Variants in VPS26C observed in about 807,000 individuals in gnomAD.
VPS26C encodes the protein VPS26 endosomal protein sorting factor C, also known as vacuolar protein sorting-associated protein 26C.
VPS26C carries 19 observed loss-of-function variants against 30.6 expected under a neutral mutation model. The ratio of observed to expected loss-of-function variants is 0.62; its 90% confidence interval spans 0.43 to 0.91. VPS26C has a LOEUF of 0.91. VPS26C is among the 40% of genes least tolerant of loss of function. The pLI is 0.00. For missense variants in VPS26C, 318 were observed against 385.1 expected (o/e 0.83, Z 1.46); for synonymous variants, 132 against 151.5 (o/e 0.87, Z 0.95).
At chr21:37,250,135 C>G (rs2086176936) in intron 1 of VPS26C, among the ~76,000 whole-genome samples, 1 of 152,112 alleles carries the variant, frequency 6.6e-6, no homozygotes, top group African/African-American at 2.4e-5. Context: ...GAAACACCTT[C>G]TCTACTAAAA....
intron 1 of VPS26C, among the ~76,000 whole-genome samples, chr21:37,259,552 T>A (rs989265077): frequency 6.6e-6 from 1 of 152,216 alleles, no homozygotes; most frequent in Admixed American, 6.5e-5. Context: ...AAAGATTTAC[T>A]GCAGGATTTT....
At chr21:37,232,575 G>C in intron 4 of VPS26C, 124 bp from the exon 5 acceptor site, 2 of 799,036 alleles carry the variant, frequency 2.5e-6, no homozygotes, top group Non-Finnish European at 4.3e-6. Flanking sequence ...GGGGAACTAA[G>C]AGGCGCAAGC....
intron 1 of VPS26C, among the ~76,000 whole-genome samples, chr21:37,255,792 T>G (rs1405947610): frequency 1.3e-5 from 2 of 151,132 alleles, no homozygotes; most frequent in African/African-American, 2.4e-5. Flanking sequence ...TGTACCTTTT[T>G]GGCTTAAATG....
At chr21:37,267,112 G>A (rs886371490) in intron 1 of VPS26C, 126 bp downstream of exon 1, 6 of 881,660 alleles carry the variant, frequency 6.8e-6, no homozygotes, top group East Asian at 2.7e-5. Context: ...CACCTTGGCG[G>A]AGACGCACCT....
At chr21:37,241,570 C>A (rs1182468706) in intron 1 of VPS26C, among the ~76,000 whole-genome samples, 1 of 152,182 alleles carries the variant, frequency 6.6e-6, no homozygotes, top group Non-Finnish European at 1.5e-5. Flanking sequence ...GCAGTCCCAG[C>A]ACTTTCAGAG....
In VPS26C at chr21:37,225,242, G is replaced by C. The variant is rs2085886621; in HGVS notation, c.*302C>G. On this transcript the variant is annotated 3_prime_UTR_variant, in exon 8 of 8. Transcript: ENST00000309117. ...AAACTGCTGTCACAATTGTTTTACT[G>C]TACCTAAAAAGGAACAGATAAGGCA... 2.6e-6 allele frequency: 1 copy of C among 389,964 alleles called. No individual in the cohort carries two copies. The highest frequency in any genetic ancestry group is 4.8e-6 in the Non-Finnish European group (1 of 208,000). The allele number at this position is 389,964 out of a possible 1,614,324, so 24.2% of individuals were successfully genotyped here.
At chr21:37,237,236 A>G (rs1347238265) in intron 3 of VPS26C, among the ~76,000 whole-genome samples, 3 of 152,352 alleles carry the variant, frequency 2.0e-5, no homozygotes, top group Non-Finnish European at 4.4e-5. Flanking sequence ...ACGTGATCTT[A>G]TTCCAGTTTC....
At chr21:37,228,475 T>C (rs2085927778) in intron 5 of VPS26C, 102 bp from the exon 6 acceptor site, 2 of 1,292,976 alleles carry the variant, frequency 1.5e-6, no homozygotes, top group Non-Finnish European at 2.2e-6. Flanking sequence ...GGATAGTGGT[T>C]ACACAGTCCA....
chr21:37,234,758 G>A (rs1209101239), intron 3 of VPS26C, among the ~76,000 whole-genome samples: 1 of 152,050 alleles, frequency 6.6e-6, no homozygotes, highest in Admixed American at 6.6e-5. Flanking sequence ...TATATTTAAG[G>A]TACTACTGGG....
intron 7 of VPS26C, 58 bp from the exon 8 acceptor site, chr21:37,225,684 C>G (rs553160921): frequency 1.4e-6 from 2 of 1,428,414 alleles, no homozygotes; most frequent in East Asian, 2.3e-5. Context: ...CGAAACCACA[C>G]GCCGCCACCA....
At chr21:37,228,133 C>T (rs910411922) in intron 6 of VPS26C, 90 bp downstream of exon 6, 5 of 1,524,390 alleles carry the variant, frequency 3.3e-6, no homozygotes, top group African/African-American at 1.4e-5. Flanking sequence ...GCCACTGTGC[C>T]CAGCCCCCCA....
At chr21:37,237,228 G>A (rs751536192) in intron 3 of VPS26C, among the ~76,000 whole-genome samples, 19 of 152,278 alleles carry the variant, frequency 1.2e-4, no homozygotes, top group East Asian at 5.8e-4. Context: ...CACTGAAAAC[G>A]TGATCTTATT....
intron 1 of VPS26C, chr21:37,262,065 A>T (rs2086310195): frequency 1.3e-5 from 2 of 152,028 alleles, no homozygotes; most frequent in Admixed American, 1.3e-4. Flanking sequence ...ACAAAGTTTA[A>T]AAAAAAAGAA....
chr21:37,236,093 A>G (rs145884014), intron 3 of VPS26C, among the ~76,000 whole-genome samples: 1 of 152,244 alleles, frequency 6.6e-6, no homozygotes, highest in East Asian at 1.9e-4. Context: ...TTACAACACA[A>G]TTCAATTTAT....
chr21:37,238,430 G>A, intron 3 of VPS26C, 30 bp downstream of exon 3: 1 of 1,600,192 alleles, frequency 6.2e-7, no homozygotes, highest in South Asian at 1.1e-5. Context: ...AACTTGTGAA[G>A]TCAGTCGCGT....
Position 37,231,905 on chromosome 21 carries a change from C to T in VPS26C, c.507+472G>A, listed in dbSNP as rs572206961. ...CACTGTACCTGCCCTGGCCGTGAGG[C>T]GTCCACCACGGAGGGCACTGCGGAA... On this transcript the variant is annotated intron_variant, in intron 5 of 7. Transcript: ENST00000309117. 1.3e-4 allele frequency: 21 copies of T among 162,026 alleles called. No individual in the cohort carries two copies. The South Asian group carries it at 3.3e-3, about 25-fold the overall frequency. 10.0% of individuals were successfully genotyped at this position (162,026 alleles called of 1,614,324 possible).
intron 7 of VPS26C, 30 bp from the exon 8 acceptor site, chr21:37,225,656 C>A (rs375319768): frequency 1.3e-6 from 2 of 1,582,156 alleles, no homozygotes; most frequent in Non-Finnish European, 1.7e-6. Flanking sequence ...TGGGTTTGTG[C>A]TCACTGTTAC....
At chr21:37,230,267 G>C (rs2085947480) in intron 5 of VPS26C, among the ~76,000 whole-genome samples, 1 of 152,158 alleles carries the variant, frequency 6.6e-6, no homozygotes, top group Non-Finnish European at 1.5e-5. Context: ...TGATGAAAAA[G>C]GATAGCTTTC....
intron 2 of VPS26C, among the ~76,000 whole-genome samples, chr21:37,240,157 C>G (rs976274128): frequency 8.5e-5 from 13 of 152,104 alleles, no homozygotes; most frequent in African/African-American, 2.9e-4. Flanking sequence ...GTATCTTGCT[C>G]TGTTGCTGAG....
Sources: allele counts gnomAD v4.1 joint callset (sites outside exome capture counted in the v4.1 genomes callset), GRCh38; gene constraint gnomAD v4.1.1; transcripts MANE v1.5; gene names NCBI Gene and HGNC (gene_info 2026-07-23, HGNC 2026-07-21).